The following A1BG variants were observed in gnomAD, a reference collection of about 807,000 sequenced individuals.
The protein encoded by A1BG is alpha-1-B glycoprotein.
A neutral mutation model predicts 46.0 loss-of-function variants in A1BG; 44 were observed. The observed-to-expected ratio is 0.96, with a 90% CI of 0.75 to 1.23. The LOEUF is 1.23. Ranked by LOEUF, A1BG falls within the 50% of genes most tolerant of loss-of-function variation. The probability of loss-of-function intolerance (pLI) is 0.00; values close to 1 mark genes in which losing one functional copy is unlikely to be tolerated. For synonymous variants in A1BG, 316 were observed against 314.7 expected (o/e 1.00, Z -0.04); for missense variants, 707 against 688.8 (o/e 1.03, Z -0.30).
intron 6 of A1BG, 172 bp downstream of exon 6, chr19:58,350,198 G>C: frequency 1.2e-6 from 1 of 848,646 alleles, no homozygotes. Context: ...GAAATTCCAG[G>C]CGTCCCCAGA....
intron 3 of A1BG, 49 bp downstream of exon 3, chr19:58,352,879 C>A: frequency 6.4e-7 from 1 of 1,567,586 alleles, no homozygotes. Flanking sequence ...ACCCCCCAGT[C>A]AACAACCTAC....
Position 58,347,374 on chromosome 19 carries a change from G to A in A1BG, c.1459C>T (p.Pro487Ser). The A allele has an allele frequency of 6.2e-7, 1 of 1,612,086 alleles. No homozygotes were observed. The highest frequency in any genetic ancestry group is 8.5e-7 in the Non-Finnish European group (1 of 1,179,818). ...PHTFESELSD[P>S]VELLVAES Reference sequence around the variant, plus strand: ...TCACCTGCCACCAGGAGCTCCACAGGGTCGCTGAGCTCCGATTCGAAGGTG... The same window carrying A: ...TCACCTGCCACCAGGAGCTCCACAGAGTCGCTGAGCTCCGATTCGAAGGTG... Residue 487 changes from proline to serine, a missense_variant, in exon 7 of 8, where the codon CCT becomes TCT. Coordinates refer to ENST00000263100, the MANE Select transcript of A1BG (RefSeq NM_130786.4).
rs1370087284 is a variant in A1BG, at chr19:58,345,192, A to G, written c.*1830T>C. 6.6e-6 allele frequency: 1 copy of G among 152,182 alleles called. No individual in the cohort carries two copies. Among genetic ancestry groups the G allele is most frequent in the Non-Finnish European group, 1.5e-5 (1 of 68,058 alleles). 9.4% of individuals were successfully genotyped at this position (152,182 alleles called of 1,614,324 possible). A position where few individuals can be genotyped will look rare whatever the true frequency, so the allele number is the denominator to read the frequency against. On this transcript the variant is annotated 3_prime_UTR_variant, in exon 8 of 8. Transcript: ENST00000263100. The stretch of plus-strand genomic sequence containing the variant: ...AAGAGAAGAAAAAAGAAAACAACCC[A>G]ATATTTTAAAGTGTGCAAAATATAT...
rs3214663 is a variant in A1BG, at chr19:58,346,865, GC to G, written c.*156del. 772,978 of 851,718 alleles carry G rather than the reference GC, an allele frequency of 0.91. 354,459 individuals carry two copies. Among genetic ancestry groups the G allele is most frequent in the Non-Finnish European group, 0.95 (465,888 of 490,758 alleles). 52.8% of individuals were successfully genotyped at this position (851,718 alleles called of 1,614,324 possible). A position where few individuals can be genotyped will look rare whatever the true frequency, so the allele number is the denominator to read the frequency against. On this transcript the variant is annotated 3_prime_UTR_variant, in exon 8 of 8. Transcript: ENST00000263100. ...GGAGTCCAAAGACATTTTAAACAGA[GC>G]CTCTCTTCACATTTATTAATTCCTG...
rs2051917088 is a variant in A1BG, at chr19:58,346,957, G to A, written c.*65C>T. 7 of 1,591,114 alleles carry A rather than the reference G, an allele frequency of 4.4e-6. No homozygotes were observed. The South Asian group carries it at 7.7e-5, about 18-fold the overall frequency. On this transcript the variant is annotated 3_prime_UTR_variant, in exon 8 of 8. Transcript: ENST00000263100. ...GGCCTTGTGCTGCAACAGGAGGGGA[G>A]GGAGCCAGTCCAGAATCCCCGGCAC... is the stretch of plus-strand genomic sequence containing the variant.
Position 58,351,795 on chromosome 19 carries a change from C to T in A1BG, c.614-108G>A, listed in dbSNP as rs10164322. The T allele has an allele frequency of 0.025, 18,865 of 760,506 alleles. 1,927 individuals carry two copies. The African/African-American group carries it at 0.27, about 11-fold the overall frequency. 47.1% of individuals were successfully genotyped at this position (760,506 alleles called of 1,614,324 possible). On this transcript the variant is annotated intron_variant, in intron 4 of 7. Transcript: ENST00000263100. ...GCAATCCCAGGAACACCCTTCCATT[C>T]TTTTTTTTTTTTTTTTTTGAAACGG...
intron 6 of A1BG, 126 bp downstream of exon 6, chr19:58,350,244 A>C: frequency 1.7e-6 from 2 of 1,206,686 alleles, no homozygotes; most frequent in Non-Finnish European, 2.2e-6. Context: ...CCGCCGGGGT[A>C]GGCGATGGGG....
Position 58,353,179 on chromosome 19 carries a change from C to T in A1BG, c.89G>A (p.Ser30Asn). The change falls in exon 3 of 8, where the codon AGC (serine) becomes AAC (asparagine). Residue 30 changes from serine to asparagine, a missense_variant. Coordinates refer to ENST00000263100, the MANE Select transcript of A1BG (RefSeq NM_130786.4). ...EAAIFYETQPSLWAESESLLK... is the reference protein window; with the variant it reads ...EAAIFYETQPNLWAESESLLK... Reference sequence around the variant, plus strand: ...CAGTGATTCGGACTCTGCCCACAGGCTGGGCTGCGTCTCATAAACTGCAAG... The same window carrying T: ...CAGTGATTCGGACTCTGCCCACAGGTTGGGCTGCGTCTCATAAACTGCAAG... 1 of 1,613,906 alleles carries T rather than the reference C, an allele frequency of 6.2e-7. No homozygotes were observed. Among genetic ancestry groups the T allele is most frequent in the Non-Finnish European group, 8.5e-7 (1 of 1,179,840 alleles).
intron 4 of A1BG, chr19:58,351,960 T>A (rs2051963684): frequency 1.2e-6 from 1 of 819,592 alleles, no homozygotes; most frequent in Admixed American, 3.1e-5. Flanking sequence ...CACACCTGGC[T>A]AATTTTTGTA....
rs577924346 is a variant in A1BG, at chr19:58,353,480, C to A, written c.-43G>T. 4 of 1,577,646 alleles carry A rather than the reference C, an allele frequency of 2.5e-6. No individual in the cohort carries two copies. The Admixed American group carries it at 5.4e-5, about 21-fold the overall frequency. ...CGGTGCAGTGAGTGTCTGGGGTGAGCGTCTGCAGCAATGAGGCCCCAAGGG... is the reference window on the plus strand; with the variant it reads ...CGGTGCAGTGAGTGTCTGGGGTGAGAGTCTGCAGCAATGAGGCCCCAAGGG... On this transcript the variant is annotated 5_prime_UTR_variant, in exon 1 of 8. Coordinates refer to ENST00000263100, the MANE Select transcript of A1BG (RefSeq NM_130786.4).
intron 4 of A1BG, chr19:58,352,002 G>T: frequency 9.2e-7 from 1 of 1,087,980 alleles, no homozygotes; most frequent in Non-Finnish European, 1.3e-6. Context: ...CGTCATGTTG[G>T]GTAGACTGGT....
chr19:58,347,116 G>T, intron 7 of A1BG, 87 bp from the exon 8 acceptor site: 1 of 1,528,226 alleles, frequency 6.5e-7, no homozygotes, highest in Non-Finnish European at 9.0e-7. Context: ...CCTCCCTGAC[G>T]CCCCCCCGGA....
At chr19:58,350,971 T>A (rs2051952831) in intron 5 of A1BG, 1 of 427,248 alleles carries the variant, frequency 2.3e-6, no homozygotes, top group Non-Finnish European at 4.2e-6. Flanking sequence ...GAGCGTCTTC[T>A]GAGCACCGCC....
intron 6 of A1BG, among the ~76,000 whole-genome samples, chr19:58,348,206 G>A (rs1273741844): frequency 1.3e-5 from 2 of 152,114 alleles, no homozygotes; most frequent in African/African-American, 4.8e-5. Context: ...CAAAAAATTA[G>A]CCGGGCGTGG....
At position 58,347,520 on chromosome 19, in the gene A1BG, C is replaced by T. The variant is rs750009878; in HGVS notation, c.1313G>A (p.Gly438Asp). The change falls in exon 7 of 8, where the codon GGC becomes GAC. Residue 438 changes from glycine to aspartate, a missense_variant. Physicochemically the swap from Gly to Asp is moderately conservative, Grantham distance 94 (BLOSUM62 -1). Transcript: ENST00000263100. Reference sequence around the variant, plus strand: ...GACCGTCTTCACGGCCTTCGTCTCGCCCTCGCGCAGCAGCTCGAAGGTGAC... The same window carrying T: ...GACCGTCTTCACGGCCTTCGTCTCGTCCTCGCGCAGCAGCTCGAAGGTGAC... ...PDVTFELLRE[G>D]ETKAVKTVRT... 3 of 1,581,430 alleles carry T rather than the reference C, an allele frequency of 1.9e-6. No homozygotes were observed. Among genetic ancestry groups the T allele is most frequent in the Non-Finnish European group, 2.6e-6 (3 of 1,163,612 alleles).
chr19:58,351,170 C>T, intron 5 of A1BG: 1 of 632,128 alleles, frequency 1.6e-6, no homozygotes, highest in African/African-American at 1.8e-5. Flanking sequence ...CCCCCTGTGG[C>T]CTGGGCCAGA....
At chr19:58,352,692 A>G (rs1156937185) in intron 3 of A1BG, 137 bp from the exon 4 acceptor site, 2 of 1,254,450 alleles carry the variant, frequency 1.6e-6, no homozygotes, top group Non-Finnish European at 2.2e-6. Flanking sequence ...GCAGGCAGGC[A>G]CCAGTGGAAA....
rs1424383480 is a variant in A1BG at position 58,351,656 on chromosome 19, A to C, written c.645T>G (p.His215Gln). 3 of 1,608,000 alleles carry C rather than the reference A, an allele frequency of 1.9e-6. No homozygotes were observed. The highest frequency in any genetic ancestry group is 1.3e-5 in the African/African-American group (1 of 74,672). The stretch of plus-strand genomic sequence containing the variant: ...GGTGCAGGACCTGGGAGGACTCTCC[A>C]TGGTGCATCAGCACAGGCGGTGGTG... ...AAPPPPVLMH[H>Q]GESSQVLHPG... The change falls in exon 5 of 8, where the codon CAT (histidine) becomes CAG (glutamine). Residue 215 changes from histidine (H) to glutamine (Q), a missense_variant. Transcript: ENST00000263100.
chr19:58,353,042 C>A lies in A1BG; in HGVS notation c.226G>T (p.Ala76Ser). 1 of 1,614,130 alleles carries A rather than the reference C, an allele frequency of 6.2e-7. No individual in the cohort carries two copies. Among genetic ancestry groups the A allele is most frequent in the Non-Finnish European group, 8.5e-7 (1 of 1,180,010 alleles). ...GTCAGCAGGAACTGGTGCTTGATGG[C>A]AGGTGAGTCAAGGTGCACAGGCTCC... is the stretch of plus-strand genomic sequence containing the variant. Reference protein sequence around the residue: ...AQEPVHLDSPAIKHQFLLTGD... With the variant: ...AQEPVHLDSPSIKHQFLLTGD... The change falls in exon 3 of 8, where the codon GCC (alanine) becomes TCC (serine). Residue 76 changes from alanine (A) to serine (S), a missense_variant. Ala to Ser is a moderately conservative substitution (Grantham distance 99). Transcript: ENST00000263100.
Sources: gnomAD v4.1 joint callset for allele counts (sites outside exome capture counted in the v4.1 genomes callset) on GRCh38, gnomAD v4.1.1 for gene constraint, MANE v1.5 for transcripts, NCBI Gene and HGNC (gene_info 2026-07-23, HGNC 2026-07-21) for gene names.